Variants in THEMIS observed in about 807,000 individuals in gnomAD.
THEMIS encodes the protein thymocyte selection associated, also known as protein THEMIS.
THEMIS carries 37 observed loss-of-function variants against 52.6 expected under a neutral mutation model. The ratio of observed to expected loss-of-function variants is 0.70; its 90% confidence interval spans 0.54 to 0.93. The LOEUF (loss-of-function observed/expected upper bound fraction) is 0.93, where lower values mean the gene tolerates loss of function less well. Ranked by LOEUF, THEMIS falls within the 40% of genes least tolerant of loss-of-function variation. The pLI is 0.00. For missense variants in THEMIS, 808 were observed against 763.1 expected, an observed-to-expected ratio of 1.06 and a Z score of -0.69; for synonymous variants, 292 against 272.7, an observed-to-expected ratio of 1.07 and a Z score of -0.70.
At chr6:127,725,813 T>G (rs1236032962) in intron 4 of THEMIS, among the ~76,000 whole-genome samples, 2 of 152,124 alleles carry the variant, frequency 1.3e-5, no homozygotes, top group Non-Finnish European at 2.9e-5. Flanking sequence ...ATGCTATCTT[T>G]TGACCCTTTC....
intron 4 of THEMIS, among the ~76,000 whole-genome samples, chr6:127,791,287 T>C (rs1229194700): frequency 6.6e-6 from 1 of 152,024 alleles, no homozygotes. Flanking sequence ...CATCCCAATA[T>C]CTGTTCAGCT....
At chr6:127,888,755 G>A (rs1780718583) in intron 1 of THEMIS, among the ~76,000 whole-genome samples, 1 of 152,038 alleles carries the variant, frequency 6.6e-6, no homozygotes, top group African/African-American at 2.4e-5. Context: ...AAAGTCAACA[G>A]GGGTAAATGG....
intron 2 of THEMIS, among the ~76,000 whole-genome samples, chr6:127,839,655 A>G (rs1437129968): frequency 1.3e-5 from 2 of 152,154 alleles, no homozygotes; most frequent in African/African-American, 4.8e-5. Context: ...GGCATGAGCC[A>G]CTATGCCCAG....
At chr6:127,855,253 A>T in intron 1 of THEMIS, 65 bp from the exon 2 acceptor site, 1 of 1,352,478 alleles carries the variant, frequency 7.4e-7, no homozygotes, top group Non-Finnish European at 9.9e-7. Context: ...AAGTAGACTC[A>T]AAAGCTTAAT....
intron 1 of THEMIS, among the ~76,000 whole-genome samples, chr6:127,913,810 T>C (rs1379668782): frequency 6.6e-6 from 1 of 152,230 alleles, no homozygotes; most frequent in Non-Finnish European, 1.5e-5. Flanking sequence ...TACTCTATTT[T>C]AGAATACCAG....
upstream of THEMIS, among the ~76,000 whole-genome samples, chr6:127,903,420 A>T (rs1238160040): frequency 3.9e-5 from 6 of 152,052 alleles, no homozygotes; most frequent in African/African-American, 1.4e-4. Context: ...AAAAAAAACT[A>T]GACTGTATAT....
intron 4 of THEMIS, among the ~76,000 whole-genome samples, chr6:127,752,453 TAAAG>T (rs1191801362): frequency 1.1e-4 from 16 of 149,456 alleles, no homozygotes; most frequent in Admixed American, 8.0e-4. Flanking sequence ...AAATATAAAT[TAAAG>T]AGAGAGCATT....
chr6:127,746,959 GAT>G (rs1775441332), intron 4 of THEMIS, among the ~76,000 whole-genome samples: 1 of 72,482 alleles, frequency 1.4e-5, no homozygotes, highest in African/African-American at 6.0e-5. Context: ...ATTATATATA[GAT>G]ATCTATAATT....
chr6:127,858,489 C>T (rs1193395409), intron 1 of THEMIS, among the ~76,000 whole-genome samples: 2 of 152,048 alleles, frequency 1.3e-5, no homozygotes, highest in African/African-American at 4.8e-5. Context: ...TATAGCAAAG[C>T]TTAAGTCGCT....
At chr6:127,747,244 T>C (rs1412916008) in intron 4 of THEMIS, among the ~76,000 whole-genome samples, 1 of 139,996 alleles carries the variant, frequency 7.1e-6, no homozygotes, top group Non-Finnish European at 1.5e-5. Flanking sequence ...ATGCATATTA[T>C]AGCTATCTAT....
In THEMIS at chr6:127,855,112, A is replaced by G; in HGVS notation, c.168T>C (p.Val56=). The G allele has an allele frequency of 2.5e-6, 4 of 1,611,304 alleles. No homozygotes were observed. The highest frequency in any genetic ancestry group is 3.4e-6 in the Non-Finnish European group (4 of 1,178,516). Residue 56 remains valine (V), a synonymous_variant, in exon 2 of 6, where the codon GTT becomes GTC. Transcript: ENST00000368248. The part of the protein sequence containing the change: ...GEVIKITGLK[V]KKIIAEICEQ... The stretch of plus-strand genomic sequence containing the variant: ...CACAAATTTCAGCTATGATCTTCTT[A>G]ACTTTGAGACCAGTAATTTTAATCA...
the THEMIS span, among the ~76,000 whole-genome samples, chr6:127,700,840 T>A: frequency 6.6e-6 from 1 of 152,066 alleles, no homozygotes; most frequent in East Asian, 1.9e-4. Context: ...TATTTTTGTA[T>A]ATATAAAATA....
At chr6:127,915,553 G>A (rs1274271334) in intron 1 of THEMIS, among the ~76,000 whole-genome samples, 6 of 148,028 alleles carry the variant, frequency 4.1e-5, no homozygotes, top group African/African-American at 1.5e-4. Flanking sequence ...GGCAGGAGGG[G>A]GCTAGGGGTG....
At chr6:127,914,280 C>T (rs1352862410) in intron 1 of THEMIS, among the ~76,000 whole-genome samples, 1 of 152,118 alleles carries the variant, frequency 6.6e-6, no homozygotes, top group Non-Finnish European at 1.5e-5. Flanking sequence ...AATGCTCAAC[C>T]TGTATTGCTC....
At chr6:127,731,755 C>T (rs532500390) in intron 4 of THEMIS, among the ~76,000 whole-genome samples, 8 of 138,880 alleles carry the variant, frequency 5.8e-5, no homozygotes, top group Admixed American at 3.1e-4. Flanking sequence ...TAGAGTGCAG[C>T]GGCGCGATCT....
chr6:127,780,184 T>G (rs2114477477), intron 4 of THEMIS, among the ~76,000 whole-genome samples: 1 of 152,330 alleles, frequency 6.6e-6, no homozygotes, highest in African/African-American at 2.4e-5. Flanking sequence ...TCTTTGTTGG[T>G]TTAAAGTCTG....
intron 3 of THEMIS, among the ~76,000 whole-genome samples, chr6:127,822,780 C>T (rs902523167): frequency 6.6e-5 from 10 of 152,120 alleles, no homozygotes; most frequent in African/African-American, 2.4e-4. Flanking sequence ...AGGATGTTAC[C>T]TTCCATGATT....
At chr6:127,870,186 C>A (rs528665876) in intron 1 of THEMIS, among the ~76,000 whole-genome samples, 8 of 152,268 alleles carry the variant, frequency 5.3e-5, no homozygotes, top group Non-Finnish European at 2.9e-5. Context: ...GACTTGTGCC[C>A]AGCACAATCA....
chr6:127,845,597 G>C (rs781646182), intron 2 of THEMIS, among the ~76,000 whole-genome samples: 2 of 151,838 alleles, frequency 1.3e-5, no homozygotes, highest in Admixed American at 6.6e-5. Context: ...CAATCCCAGA[G>C]AATTGTTATT....
Sources: gnomAD v4.1 joint callset for allele counts (sites outside exome capture counted in the v4.1 genomes callset) on GRCh38, gnomAD v4.1.1 for gene constraint, MANE v1.5 for transcripts, NCBI Gene and HGNC (gene_info 2026-07-23, HGNC 2026-07-21) for gene names.